The following RP1 variants were observed in gnomAD, a reference collection of about 807,000 sequenced individuals.
The protein encoded by RP1 is oxygen-regulated protein 1.
In RP1, 16 loss-of-function variants were observed where a neutral mutation model predicts 14.8. The observed-to-expected ratio is 1.08, with a 90% CI of 0.73 to 1.65. The LOEUF (loss-of-function observed/expected upper bound fraction) is 1.65, where lower values mean the gene tolerates loss of function less well. RP1 is among the 40% of genes most tolerant of loss of function. The pLI, the probability that RP1 is intolerant of heterozygous loss-of-function variation, is 0.00. For synonymous variants in RP1, 876 were observed against 883.6 expected, an observed-to-expected ratio of 0.99 and a Z score of 0.15; for missense variants, 2,631 against 2,535.0, an observed-to-expected ratio of 1.04 and a Z score of -0.81.
intron 12 of RP1, among the ~76,000 whole-genome samples, chr8:54,698,088 A>C (rs1448920947): frequency 6.6e-6 from 1 of 152,236 alleles, no homozygotes; most frequent in Non-Finnish European, 1.5e-5. Flanking sequence ...AGAAACTATC[A>C]TCAGAGTGAA....
chr8:54,685,909 C>T (rs150060975), intron 12 of RP1, among the ~76,000 whole-genome samples: 2 of 152,286 alleles, frequency 1.3e-5, no homozygotes, highest in African/African-American at 4.8e-5. Context: ...AACCAGGCAG[C>T]CATGCAGAGA....
intron 22 of RP1, among the ~76,000 whole-genome samples, chr8:54,764,171 C>T (rs1034960579): frequency 1.8e-4 from 27 of 152,162 alleles, no homozygotes; most frequent in Non-Finnish European, 3.4e-4. Context: ...GGCAGGCCTT[C>T]GGGCAAGGCA....
intron 22 of RP1, among the ~76,000 whole-genome samples, chr8:54,762,087 C>T (rs970473907): frequency 5.9e-5 from 9 of 151,974 alleles, no homozygotes; most frequent in Non-Finnish European, 4.4e-5. Context: ...ACAGTCCTGG[C>T]GGGGGAGCTG....
In RP1 at chr8:54,853,818, G is replaced by A. The variant is rs190369145; in HGVS notation, c.3990+1090G>A. 1.7e-3 allele frequency among the ~76,000 whole-genome samples: 226 copies of A among 130,930 alleles called. 1 individual carries two copies. The highest frequency in any genetic ancestry group is 6.6e-3 in the African/African-American group (218 of 32,844). 85.9% of individuals were successfully genotyped at this position (130,930 alleles called of 152,430 possible). ...AGAGAGAGAAAGAAAGAGAAAGGAA[G>A]GAAGAGAAACAAAGAGAGAGAAAGA... On this transcript the variant is annotated intron_variant, in intron 26 of 28. Coordinates refer to the RP1 transcript ENST00000637698.
At chr8:54,624,435 C>A (rs1422415137) in intron 3 of RP1, among the ~76,000 whole-genome samples, 4 of 98,760 alleles carry the variant, frequency 4.1e-5, no homozygotes. Flanking sequence ...CAGAGCGAGA[C>A]TCTGTCTCAA....
At chr8:54,661,973 A>G (rs1009970095) in intron 6 of RP1, among the ~76,000 whole-genome samples, 1 of 151,474 alleles carries the variant, frequency 6.6e-6, no homozygotes, top group African/African-American at 2.4e-5. Context: ...TAAATTTTCT[A>G]TTTCTTTGTG....
intron 24 of RP1, among the ~76,000 whole-genome samples, chr8:54,809,235 T>C (rs1180140448): frequency 6.6e-6 from 1 of 152,224 alleles, no homozygotes. Flanking sequence ...TAGTTGTACA[T>C]ATAGCCTGCT....
At chr8:54,719,249 T>C (rs1346896780) in intron 15 of RP1, among the ~76,000 whole-genome samples, 1 of 152,156 alleles carries the variant, frequency 6.6e-6, no homozygotes, top group Non-Finnish European at 1.5e-5. Context: ...GTATATGTGG[T>C]TGTCTTCTCT....
At chr8:54,788,711 TTAA>T (rs1810388843) in intron 24 of RP1, among the ~76,000 whole-genome samples, 2 of 152,196 alleles carry the variant, frequency 1.3e-5, no homozygotes, top group African/African-American at 4.8e-5. Flanking sequence ...TTAAGAAAAG[TTAA>T]TAACATTGTT....
chr8:54,793,492 G>T (rs970863761), intron 24 of RP1, among the ~76,000 whole-genome samples: 4 of 151,846 alleles, frequency 2.6e-5, no homozygotes, highest in African/African-American at 7.2e-5. Flanking sequence ...ATCAAGTGGG[G>T]TTTATCCCTG....
rs923161406 is a variant in RP1, at chr8:54,638,735, C to T, written c.788-10250C>T. On this transcript the variant is annotated intron_variant, in intron 3 of 22. Transcript: ENST00000636932. ...TTTGCTACACTAGGCATTCAGTACCCGTATCCTTTAGTTCTGGGAATTTGT... is the reference window on the plus strand; with the variant it reads ...TTTGCTACACTAGGCATTCAGTACCTGTATCCTTTAGTTCTGGGAATTTGT... Among the ~76,000 whole-genome samples the T allele has an allele frequency of 6.6e-5, 10 of 152,156 alleles. No homozygotes were observed. The East Asian group carries it at 7.7e-4, about 12-fold the overall frequency.
intron 24 of RP1, among the ~76,000 whole-genome samples, chr8:54,802,082 A>G (rs77677252): frequency 0.029 from 4,370 of 152,326 alleles, 122 homozygotes; most frequent in African/African-American, 0.064. Flanking sequence ...TTAAAAATGT[A>G]TAAAGGCTCA....
At chr8:54,633,149 A>G (rs772647781), downstream of RP1, among the ~76,000 whole-genome samples, 1 of 152,140 alleles carries the variant, frequency 6.6e-6, no homozygotes, top group Non-Finnish European at 1.5e-5. Flanking sequence ...GCATCCCCCA[A>G]ATATTAAACC....
At chr8:54,845,590 A>G (rs1193147251) in intron 25 of RP1, among the ~76,000 whole-genome samples, 2 of 152,196 alleles carry the variant, frequency 1.3e-5, no homozygotes, top group Non-Finnish European at 2.9e-5. Flanking sequence ...AGCACTGATA[A>G]CTTTAAGTGA....
At chr8:54,708,898 A>C (rs1054341773) in intron 15 of RP1, among the ~76,000 whole-genome samples, 3 of 152,138 alleles carry the variant, frequency 2.0e-5, no homozygotes, top group African/African-American at 7.2e-5. Flanking sequence ...AGTCCTTGGC[A>C]TTCAATTGAA....
chr8:54,561,804 C>T (rs1365685550), intron 1 of RP1: 2 of 152,162 alleles, frequency 1.3e-5, no homozygotes, highest in Non-Finnish European at 2.9e-5. Context: ...GCTTTCTATA[C>T]ATGATTGGTG....
intron 6 of RP1, among the ~76,000 whole-genome samples, chr8:54,658,841 A>G (rs1806815380): frequency 6.7e-6 from 1 of 149,752 alleles, no homozygotes; most frequent in Admixed American, 6.6e-5. Context: ...ACAATTTTAC[A>G]TCCCACAAGG....
intron 12 of RP1, among the ~76,000 whole-genome samples, chr8:54,681,496 G>T (rs949721428): frequency 6.6e-6 from 1 of 151,054 alleles, no homozygotes; most frequent in Non-Finnish European, 1.5e-5. Context: ...GTGTGTGTGT[G>T]TGTGTGTGTG....
exon 29 of RP1, chr8:54,869,932 C>T (rs976792246): frequency 1.2e-5 from 15 of 1,229,770 alleles, no homozygotes; most frequent in African/African-American, 1.6e-5. Context: ...ACTGGGTCTA[C>T]CATCTCCTGA....
Sources: gnomAD v4.1 joint callset for allele counts (sites outside exome capture counted in the v4.1 genomes callset) on GRCh38, gnomAD v4.1.1 for gene constraint, MANE v1.5 for transcripts, NCBI Gene and HGNC (gene_info 2026-07-23, HGNC 2026-07-21) for gene names.